Variants in FMO3 observed in about 807,000 individuals in gnomAD.
FMO3 encodes the protein flavin-containing monooxygenase 3.
FMO3 carries 40 observed loss-of-function variants against 39.4 expected under a neutral mutation model. The ratio of observed to expected loss-of-function variants is 1.02; its 90% CI spans 0.79 to 1.32. The LOEUF is 1.32. Ranked by LOEUF, FMO3 falls within the 40% of genes most tolerant of loss-of-function variation. The pLI, the probability that FMO3 is intolerant of heterozygous loss-of-function variation, is 0.00. For missense variants in FMO3, 680 were observed against 651.8 expected (o/e 1.04, Z -0.47); for synonymous variants, 219 against 228.8 (o/e 0.96, Z 0.39).
intron 5 of FMO3, among the ~76,000 whole-genome samples, chr1:171,109,864 G>T (rs16864042): frequency 0.41 from 61,782 of 151,814 alleles, 13,000 homozygotes; most frequent in African/African-American, 0.46. Flanking sequence ...TTCTTGTCTA[G>T]TTCCTCTTAT....
intron 2 of FMO3, among the ~76,000 whole-genome samples, chr1:171,096,088 T>TTAA: frequency 1.2e-5 from 1 of 80,588 alleles, no homozygotes. Context: ...ATAATATATA[T>TTAA]TAATATTTTT....
intron 7 of FMO3, among the ~76,000 whole-genome samples, chr1:171,115,366 C>A (rs1450970293): frequency 6.6e-6 from 1 of 152,034 alleles, no homozygotes; most frequent in Non-Finnish European, 1.5e-5. Context: ...TGGCAGTAGT[C>A]GGCAGGCTAA....
At chr1:171,099,641 T>G (rs1406647735) in intron 2 of FMO3, among the ~76,000 whole-genome samples, 4 of 151,792 alleles carry the variant, frequency 2.6e-5, no homozygotes. Flanking sequence ...ATACAGCTGA[T>G]AATGGTGGAG....
chr1:171,114,016 G>T lies in FMO3; in HGVS notation c.837G>T (p.Arg279Ser). 6.2e-7 allele frequency: 1 copy of T among 1,604,006 alleles called. No individual in the cohort carries two copies. The highest frequency in any genetic ancestry group is 8.5e-7 in the Non-Finnish European group (1 of 1,172,252). ...YGLMPLNGVL[R>S]KEPVFNDELP... Reference sequence around the variant, plus strand: ...TCTGTTTTCCATACAGAGTCCTGAGGAAAGAGCCTGTATTTAACGATGAGC... The same window carrying T: ...TCTGTTTTCCATACAGAGTCCTGAGTAAAGAGCCTGTATTTAACGATGAGC... Residue 279 changes from arginine to serine, a missense_variant, in exon 7 of 9, where the codon AGG becomes AGT. By Grantham distance (110) the Arg-to-Ser change is moderately radical. Transcript: ENST00000367755.
chr1:171,096,407 A>G (rs1655057407), intron 2 of FMO3, among the ~76,000 whole-genome samples: 1 of 102,048 alleles, frequency 9.8e-6, no homozygotes, highest in African/African-American at 4.1e-5. Flanking sequence ...TTACATATAT[A>G]TTATATATGT....
intron 2 of FMO3, among the ~76,000 whole-genome samples, chr1:171,097,803 C>A (rs902444936): frequency 1.3e-5 from 2 of 151,806 alleles, no homozygotes; most frequent in Non-Finnish European, 2.9e-5. Context: ...TAATTAGATC[C>A]CATTTGTCAA....
intron 6 of FMO3, among the ~76,000 whole-genome samples, 155 bp downstream of exon 6, chr1:171,111,152 T>A (rs1321339114): frequency 6.6e-6 from 1 of 152,172 alleles, no homozygotes; most frequent in East Asian, 1.9e-4. Context: ...GATTTCCTAT[T>A]TTGCAATCCT....
intron 5 of FMO3, 96 bp downstream of exon 5, chr1:171,108,317 G>C: frequency 7.0e-7 from 1 of 1,422,392 alleles, no homozygotes; most frequent in South Asian, 1.2e-5. Context: ...AGGAGGGAAG[G>C]GTATCTGATG....
intron 2 of FMO3, among the ~76,000 whole-genome samples, chr1:171,098,056 C>T (rs1655186574): frequency 6.6e-6 from 1 of 152,114 alleles, no homozygotes; most frequent in Non-Finnish European, 1.5e-5. Context: ...GCATCCTTTC[C>T]CCATTTCTTG....
chr1:171,109,418 A>G (rs190002309), intron 5 of FMO3, among the ~76,000 whole-genome samples: 1 of 151,898 alleles, frequency 6.6e-6, no homozygotes, highest in Non-Finnish European at 1.5e-5. Flanking sequence ...TGATGAACTC[A>G]TAGTTTTCAC....
intron 1 of FMO3, among the ~76,000 whole-genome samples, chr1:171,092,017 C>CT (rs1220646837): frequency 1.2e-4 from 18 of 151,744 alleles, no homozygotes; most frequent in Non-Finnish European, 2.6e-4. Flanking sequence ...GTTTTAGTTG[C>CT]GAATCTTTAT....
chr1:171,097,036 T>C (rs78825297), intron 2 of FMO3, among the ~76,000 whole-genome samples: 48,042 of 146,342 alleles, frequency 0.33, 8,062 homozygotes, highest in South Asian at 0.45. Flanking sequence ...TGAGAACATG[T>C]GGTGTTTGGT....
At position 171,096,592 on chromosome 1, in the gene FMO3, C is replaced by T. The variant is rs186894091; in HGVS notation, c.132+3802C>T. On this transcript the variant is annotated intron_variant, in intron 2 of 8. Coordinates refer to ENST00000367755, the MANE Select transcript of FMO3 (RefSeq NM_001002294.3). ...CATACTATACTTTATATATTAAATA[C>T]ATAATATACTTTATATATTAAATAC... Among the ~76,000 whole-genome samples the T allele has an allele frequency of 9.2e-3, 1,020 of 111,386 alleles. 15 individuals are homozygous for T. Among genetic ancestry groups the T allele is most frequent in the South Asian group, 0.019 (66 of 3,460 alleles). The allele number at this position is 111,386 out of a possible 152,430, so 73.1% of individuals were successfully genotyped here.
At chr1:171,093,499 A>T (rs1654809102) in intron 2 of FMO3, among the ~76,000 whole-genome samples, 1 of 139,482 alleles carries the variant, frequency 7.2e-6, no homozygotes, top group Non-Finnish European at 1.5e-5. Context: ...TGGTGTGTGC[A>T]TATATACATA....
chr1:171,096,561 TA>T (rs1181026849), intron 2 of FMO3, among the ~76,000 whole-genome samples: 2 of 66,826 alleles, frequency 3.0e-5, no homozygotes, highest in Non-Finnish European at 5.2e-5. Flanking sequence ...CTTTATATAT[TA>T]AATACATACT....
At position 171,108,932 on chromosome 1, in the gene FMO3, C is replaced by T. The variant is rs188603950; in HGVS notation, c.627+711C>T. Among the ~76,000 whole-genome samples the T allele has an allele frequency of 1.3e-4, 20 of 152,104 alleles. No homozygotes were observed. In the East Asian group the frequency reaches 3.1e-3, roughly 24 times the overall value. On this transcript the variant is annotated intron_variant, in intron 5 of 8. Coordinates refer to ENST00000367755, the MANE Select transcript of FMO3 (RefSeq NM_001002294.3). ...AATATAAATCATGAGACTGAAGAGG[C>T]GACAGAAGCTGTTCTTAGAATTGGA...
At chr1:171,105,310 G>T (rs1413510054) in intron 3 of FMO3, among the ~76,000 whole-genome samples, 2 of 152,050 alleles carry the variant, frequency 1.3e-5, no homozygotes, top group Non-Finnish European at 2.9e-5. Context: ...TACATCAAAA[G>T]CAGACAAGAT....
At chr1:171,096,968 G>A (rs1655125736) in intron 2 of FMO3, among the ~76,000 whole-genome samples, 1 of 150,374 alleles carries the variant, frequency 6.7e-6, no homozygotes, top group African/African-American at 2.4e-5. Context: ...AGGCCCCAGT[G>A]TGTGATATTC....
chr1:171,113,938 T>G, intron 6 of FMO3, 69 bp from the exon 7 acceptor site: 1 of 1,152,304 alleles, frequency 8.7e-7, no homozygotes. Context: ...CCTTATCAAT[T>G]TATATATGGA....
Sources: gnomAD v4.1 joint callset for allele counts (sites outside exome capture counted in the v4.1 genomes callset) on GRCh38, gnomAD v4.1.1 for gene constraint, MANE v1.5 for transcripts, NCBI Gene and HGNC (gene_info 2026-07-23, HGNC 2026-07-21) for gene names.